DPYD: variants seen among roughly 807,000 people sequenced by gnomAD.
DPYD encodes the protein dihydropyrimidine dehydrogenase.
Under a neutral mutation model 116.2 loss-of-function variants are expected in DPYD, and 109 were observed. The ratio of observed to expected loss-of-function variants is 0.94; its 90% CI spans 0.80 to 1.10. The LOEUF (loss-of-function observed/expected upper bound fraction) is 1.10, where lower values mean the gene tolerates loss of function less well. Ranked by LOEUF, DPYD falls within the 50% of genes least tolerant of loss-of-function variation. The pLI, the probability that DPYD is intolerant of heterozygous loss-of-function variation, is 0.00. For synonymous variants in DPYD, 440 were observed against 432.0 expected (o/e 1.02, Z -0.23); for missense variants, 1,302 against 1,254.5 (o/e 1.04, Z -0.57).
chr1:97,693,020 G>A (rs1557887047), intron 6 of DPYD, among the ~76,000 whole-genome samples: 1 of 151,806 alleles, frequency 6.6e-6, no homozygotes. Context: ...GGTATCCGCG[G>A]TGGCTCACGC....
At chr1:97,173,364 ATACATATATGTGTGTATATACG>A (rs1175711139) in intron 20 of DPYD, among the ~76,000 whole-genome samples, 4 of 150,016 alleles carry the variant, frequency 2.7e-5, no homozygotes, top group Middle Eastern at 3.6e-3. Context: ...ATGTACATAT[ATACATATATGTGTGTATATACG>A]TACATATATG....
At chr1:97,330,140 A>AT (rs1032196810) in intron 16 of DPYD, among the ~76,000 whole-genome samples, 7 of 152,076 alleles carry the variant, frequency 4.6e-5, no homozygotes, top group African/African-American at 1.7e-4. Context: ...AATTTCCTGT[A>AT]TTTTGCCCTG....
At chr1:97,654,289 T>G (rs186335225) in intron 8 of DPYD, among the ~76,000 whole-genome samples, 14 of 152,330 alleles carry the variant, frequency 9.2e-5, no homozygotes, top group African/African-American at 3.1e-4. Context: ...AATGAAATTA[T>G]TAGAAATCAA....
intron 19 of DPYD, among the ~76,000 whole-genome samples, chr1:97,207,455 G>A (rs1659716277): frequency 6.6e-6 from 1 of 152,068 alleles, no homozygotes; most frequent in Non-Finnish European, 1.5e-5. Context: ...AGACAAACTG[G>A]ACAAAGCCTG....
At chr1:97,264,476 C>A (rs1258262773) in intron 18 of DPYD, among the ~76,000 whole-genome samples, 2 of 151,678 alleles carry the variant, frequency 1.3e-5, no homozygotes, top group East Asian at 3.9e-4. Flanking sequence ...GTGAGCCAAC[C>A]CTTCTCTTCC....
chr1:97,249,597 T>G (rs1488267780), intron 18 of DPYD, among the ~76,000 whole-genome samples: 2 of 151,128 alleles, frequency 1.3e-5, no homozygotes, highest in African/African-American at 4.9e-5. Flanking sequence ...AACGACTAAT[T>G]TAAAAAAAAA....
intron 1 of DPYD, among the ~76,000 whole-genome samples, chr1:97,907,710 C>T (rs532222797): frequency 2.0e-5 from 3 of 152,144 alleles, no homozygotes; most frequent in South Asian, 2.1e-4. Context: ...CCCTTCCTTA[C>T]GTTCTTTGTC....
At chr1:97,767,046 C>G (rs1665895440) in intron 3 of DPYD, among the ~76,000 whole-genome samples, 1 of 152,112 alleles carries the variant, frequency 6.6e-6, no homozygotes, top group South Asian at 2.1e-4. Context: ...AGATGAGGGA[C>G]TTGGTAACAT....
chr1:97,613,714 C>A (rs979669002), intron 8 of DPYD, among the ~76,000 whole-genome samples: 2 of 151,838 alleles, frequency 1.3e-5, no homozygotes, highest in African/African-American at 2.4e-5. Flanking sequence ...TTTTTAGGCA[C>A]AAAGGACATG....
chr1:97,619,249 C>T (rs138745790), intron 8 of DPYD, among the ~76,000 whole-genome samples: 51 of 152,082 alleles, frequency 3.4e-4, no homozygotes, highest in African/African-American at 1.2e-3. Context: ...GCTAGAGATG[C>T]CTAATAACAT....
intron 18 of DPYD, among the ~76,000 whole-genome samples, chr1:97,257,597 C>G (rs1348224472): frequency 6.6e-6 from 1 of 151,002 alleles, no homozygotes; most frequent in South Asian, 2.1e-4. Context: ...ATATATGGTA[C>G]AAGTATATCT....
intron 18 of DPYD, among the ~76,000 whole-genome samples, chr1:97,251,270 C>T (rs1262345737): frequency 6.6e-6 from 1 of 151,458 alleles, no homozygotes; most frequent in Non-Finnish European, 1.5e-5. Flanking sequence ...GTGGCAGGCG[C>T]CTCTCCAGCA....
At chr1:97,670,090 A>G (rs192423451) in intron 8 of DPYD, among the ~76,000 whole-genome samples, 1 of 152,310 alleles carries the variant, frequency 6.6e-6, no homozygotes, top group East Asian at 1.9e-4. Context: ...TCATTGAATT[A>G]CAGTGGGCGG....
At chr1:97,809,379 T>G (rs991662489) in intron 3 of DPYD, among the ~76,000 whole-genome samples, 1 of 152,214 alleles carries the variant, frequency 6.6e-6, no homozygotes, top group African/African-American at 2.4e-5. Flanking sequence ...ATTGGGATTC[T>G]GTTAACCACC....
intron 3 of DPYD, among the ~76,000 whole-genome samples, chr1:97,747,025 T>C (rs1271810784): frequency 6.6e-6 from 1 of 152,004 alleles, no homozygotes; most frequent in East Asian, 1.9e-4. Context: ...GGTTGCAGCA[T>C]GAAGGAAAAG....
intron 5 of DPYD, among the ~76,000 whole-genome samples, chr1:97,708,388 T>A (rs1662103039): frequency 6.6e-6 from 1 of 152,078 alleles, no homozygotes; most frequent in Non-Finnish European, 1.5e-5. Context: ...GGTATAAATA[T>A]CATTCGTTGA....
intron 11 of DPYD, among the ~76,000 whole-genome samples, chr1:97,571,886 T>C (rs750507153): frequency 5.9e-5 from 9 of 152,006 alleles, no homozygotes; most frequent in Non-Finnish European, 1.0e-4. Context: ...CTTTATTTAA[T>C]GTTTTCCATC....
intron 20 of DPYD, among the ~76,000 whole-genome samples, chr1:97,118,647 C>T (rs1652173116): frequency 6.6e-6 from 1 of 152,130 alleles, no homozygotes; most frequent in Non-Finnish European, 1.5e-5. Flanking sequence ...GATTCAGGTT[C>T]TAGGGCTTTG....
intron 2 of DPYD, among the ~76,000 whole-genome samples, chr1:97,838,839 G>A (rs906606927): frequency 1.3e-5 from 2 of 151,092 alleles, no homozygotes. Flanking sequence ...GCGACAGAGC[G>A]AGACTCCGTC....
Sources: allele counts gnomAD v4.1 joint callset (sites outside exome capture counted in the v4.1 genomes callset), GRCh38; gene constraint gnomAD v4.1.1; transcripts MANE v1.5; gene names NCBI Gene and HGNC (gene_info 2026-07-23, HGNC 2026-07-21).